Variants in IGFBP2 observed in about 807,000 individuals in gnomAD.
IGFBP2 encodes insulin like growth factor binding protein 2, also known as insulin-like growth factor-binding protein 2.
In IGFBP2, 12 loss-of-function variants were observed where a neutral mutation model predicts 26.2. The observed-to-expected ratio is 0.46, with a 90% confidence interval of 0.29 to 0.74. The LOEUF (loss-of-function observed/expected upper bound fraction) is 0.74, where lower values mean the gene tolerates loss of function less well. Ranked by LOEUF, IGFBP2 falls within the 30% of genes least tolerant of loss-of-function variation. IGFBP2 has a pLI of 0.09. For missense variants in IGFBP2, 328 were observed against 441.2 expected (o/e 0.74, Z 2.30); for synonymous variants, 189 against 200.6 (o/e 0.94, Z 0.49).
At chr2:216,662,362 G>T in intron 3 of IGFBP2, 1 of 269,964 alleles carries the variant, frequency 3.7e-6, no homozygotes, top group South Asian at 4.6e-5. Flanking sequence ...TTGCCATGTG[G>T]TAGGTCAGGT....
At chr2:216,647,119 C>T (rs1225011629) in intron 1 of IGFBP2, among the ~76,000 whole-genome samples, 8 of 152,164 alleles carry the variant, frequency 5.3e-5, no homozygotes, top group Non-Finnish European at 1.2e-4. Flanking sequence ...AAGAGCTTAA[C>T]CAAGTCTCTT....
chr2:216,653,200 A>G (rs1697859376), intron 1 of IGFBP2, among the ~76,000 whole-genome samples: 1 of 152,180 alleles, frequency 6.6e-6, no homozygotes. Context: ...TTCCTAAGAA[A>G]GCTTTTTAAG....
chr2:216,644,033 G>A (rs926538697), intron 1 of IGFBP2, among the ~76,000 whole-genome samples: 2 of 152,056 alleles, frequency 1.3e-5, no homozygotes, highest in Non-Finnish European at 1.5e-5. Flanking sequence ...GGCCACTCCT[G>A]TTCCTGAACA....
At chr2:216,660,036 T>C (rs2106206221) in intron 1 of IGFBP2, among the ~76,000 whole-genome samples, 1 of 151,920 alleles carries the variant, frequency 6.6e-6, no homozygotes, top group South Asian at 2.1e-4. Context: ...GTGGCACGAG[T>C]TTTAAAAAAC....
At position 216,663,640 on chromosome 2, in the gene IGFBP2, TGA is replaced by T. The variant is rs9341216; in HGVS notation, c.814-298_814-297del. On this transcript the variant is annotated intron_variant, in intron 3 of 3. Coordinates refer to ENST00000233809, the MANE Select transcript of IGFBP2 (RefSeq NM_000597.3). ...ATGGGACCTCTTTGAGGCTGGGGAC[TGA>T]GTCTTTTCATCTTCGGGTGTCCTGA... The T allele has an allele frequency of 8.1e-3, 2,468 of 305,858 alleles. 72 individuals are homozygous for T. Among genetic ancestry groups the T allele is most frequent in the East Asian group, 0.076 (1,185 of 15,650 alleles). The allele number at this position is 305,858 out of a possible 1,614,324, so 18.9% of individuals were successfully genotyped here. A position where few individuals can be genotyped will look rare whatever the true frequency, so the allele number is the denominator to read the frequency against.
intron 1 of IGFBP2, among the ~76,000 whole-genome samples, chr2:216,640,630 G>A (rs1697592692): frequency 6.6e-6 from 1 of 152,168 alleles, no homozygotes; most frequent in African/African-American, 2.4e-5. Context: ...TGTGGACACT[G>A]GGTGACTCAG....
intron 1 of IGFBP2, among the ~76,000 whole-genome samples, chr2:216,656,084 G>A (rs1000692102): frequency 3.9e-5 from 6 of 152,038 alleles, no homozygotes; most frequent in African/African-American, 7.2e-5. Flanking sequence ...CCTGCCTGGC[G>A]CCTTCAGGCC....
chr2:216,644,817 A>G (rs1364748145), intron 1 of IGFBP2, among the ~76,000 whole-genome samples: 1 of 152,188 alleles, frequency 6.6e-6, no homozygotes, highest in Admixed American at 6.5e-5. Context: ...TGAAGAAATC[A>G]AGGCTACATT....
At chr2:216,637,048 A>G (rs893859174) in intron 1 of IGFBP2, among the ~76,000 whole-genome samples, 2 of 152,048 alleles carry the variant, frequency 1.3e-5, no homozygotes, top group African/African-American at 2.4e-5. Context: ...TCAAAAAAAA[A>G]GGGGGAAAAA....
At chr2:216,648,955 C>T (rs1004825592) in intron 1 of IGFBP2, among the ~76,000 whole-genome samples, 1 of 152,134 alleles carries the variant, frequency 6.6e-6, no homozygotes, top group South Asian at 2.1e-4. Context: ...CAGAAAAGTA[C>T]AAAGAACAAT....
intron 1 of IGFBP2, among the ~76,000 whole-genome samples, chr2:216,653,556 C>T (rs552822906): frequency 3.2e-4 from 49 of 152,314 alleles, no homozygotes; most frequent in African/African-American, 1.2e-3. Context: ...AGGTTGTTTG[C>T]TCCTGTGAAT....
intron 1 of IGFBP2, among the ~76,000 whole-genome samples, chr2:216,647,750 G>C (rs1413162745): frequency 6.6e-6 from 1 of 152,164 alleles, no homozygotes; most frequent in East Asian, 1.9e-4. Context: ...TCGATTTGCT[G>C]ACCTCGTGAT....
At chr2:216,663,731 GC>G (rs1688702583) in intron 3 of IGFBP2, 1 of 514,212 alleles carries the variant, frequency 1.9e-6, no homozygotes, top group Non-Finnish European at 3.5e-6. Context: ...GAGCTCGCTA[GC>G]GATGCAGAAT....
rs780890436 is a variant in IGFBP2, at chr2:216,661,609, G to C, written c.673-249G>C. ...GCCCATTCTGACACATGAAAGCCAC[G>C]GTCACAGAACAAGGAGAGGAGTGAA... On this transcript the variant is annotated intron_variant, in intron 2 of 3. Transcript: ENST00000233809. 33 of 573,166 alleles carry C rather than the reference G, an allele frequency of 5.8e-5. No homozygotes were observed. The South Asian group carries it at 6.0e-4, about 10-fold the overall frequency. 35.5% of individuals were successfully genotyped at this position (573,166 alleles called of 1,614,324 possible).
intron 1 of IGFBP2, among the ~76,000 whole-genome samples, chr2:216,639,282 C>T (rs1420274583): frequency 2.0e-5 from 3 of 152,046 alleles, no homozygotes; most frequent in African/African-American, 4.8e-5. Flanking sequence ...GTGATCTGCC[C>T]GCCTTGGCCT....
intron 1 of IGFBP2, among the ~76,000 whole-genome samples, chr2:216,652,548 C>T (rs749586181): frequency 7.2e-5 from 11 of 152,192 alleles, no homozygotes; most frequent in African/African-American, 1.4e-4. Context: ...GGTTCTGACT[C>T]GTGAGTGAAT....
intron 1 of IGFBP2, among the ~76,000 whole-genome samples, chr2:216,643,600 A>G (rs1697655231): frequency 6.6e-6 from 1 of 152,138 alleles, no homozygotes; most frequent in African/African-American, 2.4e-5. Flanking sequence ...TCCCTGGGCC[A>G]CTTGGAAGAA....
At chr2:216,642,138 A>G (rs1574555887) in intron 1 of IGFBP2, among the ~76,000 whole-genome samples, 1 of 142,926 alleles carries the variant, frequency 7.0e-6, no homozygotes, top group Non-Finnish European at 1.5e-5. Context: ...TAGCTGGACT[A>G]TAGGCACTTG....
At position 216,633,566 on chromosome 2, in the gene IGFBP2, C is replaced by CTG. The variant is rs1390396094; in HGVS notation, c.43_44insTG (p.Pro15LeufsTer154). The CTG allele has an allele frequency of 5.0e-5, 49 of 972,666 alleles. No individual in the cohort carries two copies. Among genetic ancestry groups the CTG allele is most frequent in the Admixed American group, 3.9e-4 (5 of 12,836 alleles). The allele number at this position is 972,666 out of a possible 1,614,324, so 60.3% of individuals were successfully genotyped here. On this transcript the variant is annotated frameshift_variant, in exon 1 of 4. Transcript: ENST00000233809. LOFTEE classifies it high-confidence loss of function. Reference sequence around the variant, plus strand: ...CTGCCCCGCGCTGCCGCTGCCGCCGCCGCCGCTGCTGCCGCTGCTGCTGCT... The same window carrying CTG: ...CTGCCCCGCGCTGCCGCTGCCGCCGCTGCGCCGCTGCTGCCGCTGCTGCTGCT...
Sources: gnomAD v4.1 joint callset for allele counts (sites outside exome capture counted in the v4.1 genomes callset) on GRCh38, gnomAD v4.1.1 for gene constraint, MANE v1.5 for transcripts, NCBI Gene and HGNC (gene_info 2026-07-23, HGNC 2026-07-21) for gene names.